Variants in KCNJ3 observed in about 807,000 individuals in gnomAD.
KCNJ3 encodes G protein-activated inward rectifier potassium channel 1.
A neutral mutation model predicts 39.2 loss-of-function variants in KCNJ3; 4 were observed. The observed-to-expected ratio is 0.10, with a 90% CI of 0.05 to 0.23. KCNJ3 has a LOEUF of 0.23. Ranked by LOEUF, KCNJ3 falls within the 10% of genes least tolerant of loss-of-function variation. KCNJ3 has a pLI of 1.00. For synonymous variants in KCNJ3, 230 were observed against 237.4 expected (o/e 0.97, Z 0.29); for missense variants, 276 against 634.9 (o/e 0.43, Z 6.08).
chr2:154,744,049 A>T (rs1480324895), intron 2 of KCNJ3, among the ~76,000 whole-genome samples: 1 of 151,716 alleles, frequency 6.6e-6, no homozygotes, highest in East Asian at 1.9e-4. Context: ...ATGAATGGAT[A>T]TTGAATTCTG....
intron 2 of KCNJ3, among the ~76,000 whole-genome samples, chr2:154,853,620 A>C (rs2105142122): frequency 6.6e-6 from 1 of 152,202 alleles, no homozygotes; most frequent in East Asian, 1.9e-4. Flanking sequence ...ATTAAAGTAG[A>C]GAAATTGGTG....
chr2:154,786,373 A>G (rs1175844643), intron 2 of KCNJ3, among the ~76,000 whole-genome samples: 5 of 152,214 alleles, frequency 3.3e-5, no homozygotes, highest in Non-Finnish European at 7.3e-5. Flanking sequence ...TTTTCTGGAA[A>G]AATAAATACT....
At chr2:154,728,361 T>A (rs1488952517) in intron 2 of KCNJ3, among the ~76,000 whole-genome samples, 1 of 152,238 alleles carries the variant, frequency 6.6e-6, no homozygotes, top group Non-Finnish European at 1.5e-5. Flanking sequence ...TTTGCTCTAG[T>A]GCTCTGATGC....
chr2:154,732,606 T>C (rs1229960290), intron 2 of KCNJ3, among the ~76,000 whole-genome samples: 1 of 152,124 alleles, frequency 6.6e-6, no homozygotes, highest in Admixed American at 6.5e-5. Context: ...AGTATAGCAA[T>C]AGTGTATTCA....
At chr2:154,831,734 T>C (rs1687366718) in intron 2 of KCNJ3, among the ~76,000 whole-genome samples, 1 of 152,238 alleles carries the variant, frequency 6.6e-6, no homozygotes, top group Non-Finnish European at 1.5e-5. Context: ...TAACTGTACA[T>C]GCAGTCTAGG....
chr2:154,819,465 T>G (rs1462148013), intron 2 of KCNJ3, among the ~76,000 whole-genome samples: 3 of 152,132 alleles, frequency 2.0e-5, no homozygotes, highest in Non-Finnish European at 4.4e-5. Flanking sequence ...TACTAAATAC[T>G]TCTGTGTTTT....
At chr2:154,727,524 G>A (rs1188652875) in intron 2 of KCNJ3, among the ~76,000 whole-genome samples, 4 of 149,036 alleles carry the variant, frequency 2.7e-5, no homozygotes, top group African/African-American at 4.9e-5. Flanking sequence ...CCCAGGGGGC[G>A]GAGGTTGCTG....
At chr2:154,806,900 C>A (rs1686921487) in intron 2 of KCNJ3, among the ~76,000 whole-genome samples, 1 of 152,146 alleles carries the variant, frequency 6.6e-6, no homozygotes, top group Admixed American at 6.6e-5. Flanking sequence ...TCCAGGTACA[C>A]CAGGGTATAT....
At chr2:154,706,794 C>T (rs1685018383) in intron 1 of KCNJ3, among the ~76,000 whole-genome samples, 3 of 152,102 alleles carry the variant, frequency 2.0e-5, no homozygotes, top group Admixed American at 2.0e-4. Context: ...AAGCATGTGA[C>T]TGAACACTGC....
At chr2:154,828,365 G>A (rs921788041) in intron 2 of KCNJ3, among the ~76,000 whole-genome samples, 4 of 152,134 alleles carry the variant, frequency 2.6e-5, no homozygotes, top group Non-Finnish European at 4.4e-5. Flanking sequence ...CCTCCCACAT[G>A]CAAGGGCCAT....
At chr2:154,724,299 A>G (rs970479040) in intron 2 of KCNJ3, among the ~76,000 whole-genome samples, 1 of 152,012 alleles carries the variant, frequency 6.6e-6, no homozygotes, top group Non-Finnish European at 1.5e-5. Context: ...CACACACTTA[A>G]GGTTAATCGA....
intron 2 of KCNJ3, among the ~76,000 whole-genome samples, chr2:154,759,489 G>A (rs1686000661): frequency 5.3e-5 from 8 of 151,808 alleles, no homozygotes; most frequent in Admixed American, 5.2e-4. Flanking sequence ...GCATCCAGAT[G>A]TAATAGTTGT....
intron 2 of KCNJ3, among the ~76,000 whole-genome samples, chr2:154,785,294 AG>A (rs1686507085): frequency 6.6e-6 from 1 of 152,212 alleles, no homozygotes; most frequent in African/African-American, 2.4e-5. Context: ...TCCAAGATCA[AG>A]GTGTTGGTAG....
chr2:154,763,581 C>A (rs770417430), intron 2 of KCNJ3, among the ~76,000 whole-genome samples: 1 of 152,126 alleles, frequency 6.6e-6, no homozygotes, highest in African/African-American at 2.4e-5. Flanking sequence ...GTCTTCCCAG[C>A]AGCTGTTAGA....
chr2:154,814,532 G>A (rs1466833916), intron 2 of KCNJ3, among the ~76,000 whole-genome samples: 1 of 152,126 alleles, frequency 6.6e-6, no homozygotes, highest in African/African-American at 2.4e-5. Flanking sequence ...AGCTACTCAG[G>A]AGGCTGAGGC....
chr2:154,720,321 G>A lies in KCNJ3; in HGVS notation c.919+10502G>A, dbSNP rs57999224. On this transcript the variant is annotated intron_variant, in intron 2 of 2. Coordinates refer to ENST00000295101, the MANE Select transcript of KCNJ3 (RefSeq NM_002239.4). ...TTTTATGTCAAAAATATACTCATAA[G>A]CCTAAGAGTAGCTCTAGTTCTGATC... 3.0e-3 allele frequency among the ~76,000 whole-genome samples: 450 copies of A among 152,064 alleles called. 3 individuals are homozygous for A. Among genetic ancestry groups the A allele is most frequent in the African/African-American group, 0.01 (426 of 41,498 alleles).
intron 2 of KCNJ3, among the ~76,000 whole-genome samples, chr2:154,732,167 T>A (rs147825216): frequency 3.3e-5 from 5 of 152,244 alleles, no homozygotes; most frequent in African/African-American, 1.2e-4. Context: ...TATTAATTTT[T>A]ATCTCCTTAT....
At chr2:154,840,471 G>C (rs957982852) in intron 2 of KCNJ3, among the ~76,000 whole-genome samples, 1 of 151,708 alleles carries the variant, frequency 6.6e-6, no homozygotes, top group African/African-American at 2.4e-5. Context: ...TTCCAATTCT[G>C]TGAAGTCATT....
chr2:154,701,897 T>C (rs1399665268), intron 1 of KCNJ3, among the ~76,000 whole-genome samples: 2 of 152,030 alleles, frequency 1.3e-5, no homozygotes, highest in African/African-American at 4.8e-5. Context: ...TAATCTTTCC[T>C]GTAGGCATGG....
Sources: gnomAD v4.1 joint callset for allele counts (sites outside exome capture counted in the v4.1 genomes callset) on GRCh38, gnomAD v4.1.1 for gene constraint, MANE v1.5 for transcripts, NCBI Gene and HGNC (gene_info 2026-07-23, HGNC 2026-07-21) for gene names.